The following RTN3 variants were observed in gnomAD, a reference collection of about 807,000 sequenced individuals.
RTN3 encodes the protein reticulon-3.
RTN3 carries 49 observed loss-of-function variants against 77.8 expected under a neutral mutation model. The observed-to-expected ratio is 0.63, with a 90% CI of 0.50 to 0.80. The LOEUF is 0.80. Ranked by LOEUF, RTN3 falls within the 30% of genes least tolerant of loss-of-function variation. RTN3 has a pLI of 0.00. For synonymous variants in RTN3, 464 were observed against 446.9 expected (o/e 1.04, Z -0.48); for missense variants, 1,236 against 1,211.9 (o/e 1.02, Z -0.29).
At chr11:63,687,232 T>C (rs1660915411) in intron 1 of RTN3, among the ~76,000 whole-genome samples, 1 of 152,208 alleles carries the variant, frequency 6.6e-6, no homozygotes, top group Non-Finnish European at 1.5e-5. Context: ...TGTCTCTTAA[T>C]AATTATGTGA....
chr11:63,736,360 C>T (rs2013120514), intron 3 of RTN3, among the ~76,000 whole-genome samples: 1 of 152,044 alleles, frequency 6.6e-6, no homozygotes, highest in Non-Finnish European at 1.5e-5. Flanking sequence ...TTCAACCAAC[C>T]TCGGATTGAA....
At chr11:63,714,009 A>G (rs775481406) in intron 2 of RTN3, 7 of 518,666 alleles carry the variant, frequency 1.3e-5, no homozygotes, top group South Asian at 7.0e-5. Flanking sequence ...CAAGTGCCAT[A>G]CTGACCAATT....
At chr11:63,701,940 A>C (rs1942257256) in intron 1 of RTN3, among the ~76,000 whole-genome samples, 1 of 152,120 alleles carries the variant, frequency 6.6e-6, no homozygotes, top group Admixed American at 6.5e-5. Flanking sequence ...TTTGTCTCAA[A>C]AATAAATAAA....
chr11:63,703,036 A>G (rs1942322592), intron 1 of RTN3, among the ~76,000 whole-genome samples: 3 of 152,130 alleles, frequency 2.0e-5, no homozygotes, highest in South Asian at 4.1e-4. Context: ...CTACGTATAC[A>G]CTTAGCCTAC....
In RTN3 at chr11:63,685,495, C is replaced by CAAAAAAAA. The variant is rs55888863; in HGVS notation, c.142+3724_142+3731dup. On this transcript the variant is annotated intron_variant, in intron 1 of 8. Transcript: ENST00000377819. Reference sequence around the variant, plus strand: ...TAGGCGACACAGCAAGACTCCATCTCAAAAAAAAAAAAAAGTTACTGCAAT... The same window carrying CAAAAAAAA: ...TAGGCGACACAGCAAGACTCCATCTCAAAAAAAAAAAAAAAAAAAAAAGTTACTGCAAT... 8.1e-3 allele frequency among the ~76,000 whole-genome samples: 938 copies of CAAAAAAAA among 115,636 alleles called. 58 individuals are homozygous for CAAAAAAAA. Among genetic ancestry groups the CAAAAAAAA allele is most frequent in the African/African-American group, 0.036 (888 of 24,384 alleles). 75.9% of individuals were successfully genotyped at this position (115,636 alleles called of 152,430 possible). A position where few individuals can be genotyped will look rare whatever the true frequency, so the allele number is the denominator to read the frequency against.
chr11:63,684,194 G>T (rs1377686778), intron 1 of RTN3, among the ~76,000 whole-genome samples: 2 of 142,246 alleles, frequency 1.4e-5, no homozygotes, highest in Non-Finnish European at 3.0e-5. Flanking sequence ...TGTCGCCCAG[G>T]CTGGAGTGCA....
Position 63,759,347 on chromosome 11 carries a change from G to A in RTN3, c.*1146G>A, listed in dbSNP as rs1205627213. On this transcript the variant is annotated 3_prime_UTR_variant, in exon 9 of 9. Coordinates refer to ENST00000377819, the MANE Select transcript of RTN3 (RefSeq NM_001265589.2). The stretch of plus-strand genomic sequence containing the variant: ...TCACTCATAGTCATGATCCTTCAGA[G>A]GGAATATGCACTGGCGAGTTTAAAG... 1 of 152,488 alleles carries A rather than the reference G, an allele frequency of 6.6e-6. No individual in the cohort carries two copies. Among genetic ancestry groups the A allele is most frequent in the Non-Finnish European group, 1.5e-5 (1 of 68,034 alleles). The allele number at this position is 152,488 out of a possible 1,614,324, so 9.4% of individuals were successfully genotyped here. A position where few individuals can be genotyped will look rare whatever the true frequency, so the allele number is the denominator to read the frequency against.
intron 1 of RTN3, among the ~76,000 whole-genome samples, chr11:63,690,963 A>AC (rs2134640699): frequency 6.6e-6 from 1 of 152,100 alleles, no homozygotes; most frequent in South Asian, 2.1e-4. Flanking sequence ...TCCACTATCT[A>AC]ATTCCAGAAC....
At chr11:63,690,975 T>C (rs1590779640) in intron 1 of RTN3, among the ~76,000 whole-genome samples, 1 of 152,250 alleles carries the variant, frequency 6.6e-6, no homozygotes, top group East Asian at 1.9e-4. Context: ...TTCCAGAACA[T>C]TTTTATTACC....
At chr11:63,752,400 G>A in intron 4 of RTN3, 107 bp from the exon 5 acceptor site, 1 of 1,053,984 alleles carries the variant, frequency 9.5e-7, no homozygotes, top group Non-Finnish European at 1.4e-6. Context: ...TGCTCCTACA[G>A]GTTCTAACAT....
chr11:63,694,333 C>T lies in RTN3; in HGVS notation c.143-10518C>T, dbSNP rs977520251. Among the ~76,000 whole-genome samples the T allele has an allele frequency of 3.9e-5, 6 of 152,022 alleles. No homozygotes were observed. The South Asian group carries it at 1.0e-3, about 26-fold the overall frequency. On this transcript the variant is annotated intron_variant, in intron 1 of 8. Transcript: ENST00000377819. ...CTGGGATTACAGGCATGCGCCACCA[C>T]GTCCGGCTAATTTTGTATTTTTAGT...
Position 63,753,685 on chromosome 11 carries a change from C to G in RTN3, c.2971C>G (p.Pro991Ala). Residue 991 changes from proline to alanine, a missense_variant, in exon 7 of 9, where the codon CCG becomes GCG. This residue lies in a region of RTN3 where 141 missense variants were observed against 154.9 expected (regional missense o/e 0.91). Coordinates refer to ENST00000377819, the MANE Select transcript of RTN3 (RefSeq NM_001265589.2). The part of the protein sequence containing the change: ...ILAELLIFSV[P>A]IVYEKYKTQI... Reference sequence around the variant, plus strand: ...AGCTGAACTGCTCATTTTCAGTGTCCCGATTGTCTATGAGAAGTACAAGGT... The same window carrying G: ...AGCTGAACTGCTCATTTTCAGTGTCGCGATTGTCTATGAGAAGTACAAGGT... 6.2e-7 allele frequency: 1 copy of G among 1,613,700 alleles called. No homozygotes were observed. Among genetic ancestry groups the G allele is most frequent in the Non-Finnish European group, 8.5e-7 (1 of 1,179,716 alleles).
chr11:63,702,741 A>C (rs1453050907), intron 1 of RTN3, among the ~76,000 whole-genome samples: 1 of 150,578 alleles, frequency 6.6e-6, no homozygotes, highest in Non-Finnish European at 1.5e-5. Flanking sequence ...GCTGGAGTGC[A>C]ATGGCGTGAT....
intron 3 of RTN3, among the ~76,000 whole-genome samples, chr11:63,732,441 C>A (rs2134972375): frequency 6.6e-6 from 1 of 151,470 alleles, no homozygotes; most frequent in Non-Finnish European, 1.5e-5. Context: ...TCCTAAAGCG[C>A]TGAGGTTATA....
chr11:63,684,129 G>GTTTTTTTTTTTTTTTTTTTTT (rs61663789), intron 1 of RTN3, among the ~76,000 whole-genome samples: 1 of 85,256 alleles, frequency 1.2e-5, no homozygotes, highest in African/African-American at 5.2e-5. Flanking sequence ...TTTTCTTTTG[G>GTTTTTTTTTTTTTTTTTTTTT]TTTTTTTTTT....
chr11:63,728,749 T>A (rs2012458007), intron 3 of RTN3, among the ~76,000 whole-genome samples: 1 of 151,070 alleles, frequency 6.6e-6, no homozygotes, highest in Admixed American at 6.6e-5. Context: ...TTAGCCGGGG[T>A]GGCAGTGCAC....
intron 3 of RTN3, among the ~76,000 whole-genome samples, chr11:63,747,508 C>T (rs1371535489): frequency 6.6e-6 from 1 of 152,182 alleles, no homozygotes; most frequent in Non-Finnish European, 1.5e-5. Flanking sequence ...CCTTCTCTTT[C>T]TCCTAGTAAG....
chr11:63,726,876 AAAG>A (rs1380784184), intron 3 of RTN3, among the ~76,000 whole-genome samples: 30 of 67,990 alleles, frequency 4.4e-4, no homozygotes, highest in South Asian at 9.0e-4. Flanking sequence ...AAAAAAAAAA[AAAG>A]AAGAAGTGAG....
chr11:63,738,637 A>G (rs960137158), intron 3 of RTN3, among the ~76,000 whole-genome samples: 2 of 151,520 alleles, frequency 1.3e-5, no homozygotes, highest in Non-Finnish European at 2.9e-5. Flanking sequence ...GTCTTTAAAA[A>G]AAAAAAAAAA....
Sources: gnomAD v4.1 joint callset for allele counts (sites outside exome capture counted in the v4.1 genomes callset) on GRCh38, gnomAD v4.1.1 for gene constraint, gnomAD v4.1.1 regional missense constraint, MANE v1.5 for transcripts, NCBI Gene and HGNC (gene_info 2026-07-23, HGNC 2026-07-21) for gene names.